ARPC2: variants seen among roughly 807,000 people sequenced by gnomAD.
The protein encoded by ARPC2 is actin related protein 2/3 complex subunit 2, also known as actin-related protein 2/3 complex subunit 2.
A neutral mutation model predicts 38.6 loss-of-function variants in ARPC2; 4 were observed. The ratio of observed to expected loss-of-function variants is 0.10; its 90% CI spans 0.05 to 0.24. ARPC2 has a LOEUF of 0.24. Ranked by LOEUF, ARPC2 falls within the 10% of genes least tolerant of loss-of-function variation. The pLI is 1.00. For synonymous variants in ARPC2, 125 were observed against 140.8 expected (o/e 0.89, Z 0.79); for missense variants, 229 against 387.3 (o/e 0.59, Z 3.43).
intron 2 of ARPC2, among the ~76,000 whole-genome samples, chr2:218,218,969 G>C (rs1012048117): frequency 3.9e-5 from 6 of 152,170 alleles, no homozygotes; most frequent in Non-Finnish European, 5.9e-5. Context: ...AAATGAATCA[G>C]CCCAGAGTCT....
chr2:218,224,331 TA>T (rs941160080), intron 2 of ARPC2, among the ~76,000 whole-genome samples: 1 of 151,550 alleles, frequency 6.6e-6, no homozygotes, highest in Non-Finnish European at 1.5e-5. Flanking sequence ...ACCTAAAGGT[TA>T]AAAAAAAACT....
intron 2 of ARPC2, among the ~76,000 whole-genome samples, chr2:218,217,870 G>C (rs528852276): frequency 6.6e-6 from 1 of 152,238 alleles, no homozygotes; most frequent in Non-Finnish European, 1.5e-5. Flanking sequence ...GGGGCGAGAA[G>C]GGGACCCCTT....
intron 8 of ARPC2, 139 bp from the exon 9 acceptor site, chr2:218,249,225 C>G (rs936701319): frequency 9.8e-6 from 6 of 614,160 alleles, no homozygotes; most frequent in Non-Finnish European, 1.7e-5. Context: ...AGAAAAAACC[C>G]TGACAAAGCC....
At chr2:218,222,549 C>G (rs1176986195) in intron 2 of ARPC2, among the ~76,000 whole-genome samples, 1 of 152,176 alleles carries the variant, frequency 6.6e-6, no homozygotes, top group Non-Finnish European at 1.5e-5. Flanking sequence ...CCGGCTTGTT[C>G]TAGGATTCCA....
chr2:218,220,468 C>G (rs1574573546), intron 2 of ARPC2, among the ~76,000 whole-genome samples: 1 of 152,312 alleles, frequency 6.6e-6, no homozygotes. Flanking sequence ...GTATTTAGCA[C>G]AGACATGGAA....
At chr2:218,217,427 C>G (rs776136921) in intron 1 of ARPC2, 36 bp from the exon 2 acceptor site, 1 of 1,605,940 alleles carries the variant, frequency 6.2e-7, no homozygotes, top group Admixed American at 1.7e-5. Flanking sequence ...CTTACCCACC[C>G]TCACCGGCCC....
At chr2:218,248,843 T>C (rs1690111597) in intron 8 of ARPC2, among the ~76,000 whole-genome samples, 1 of 152,204 alleles carries the variant, frequency 6.6e-6, no homozygotes, top group Admixed American at 6.5e-5. Flanking sequence ...GCCTGGCCTA[T>C]CATGAGGGTT....
At chr2:218,225,821 G>T in intron 2 of ARPC2, 99 bp from the exon 3 acceptor site, 4 of 1,095,996 alleles carry the variant, frequency 3.6e-6, no homozygotes, top group Non-Finnish European at 5.6e-6. Context: ...TATACAGAAT[G>T]GTCTGATCTT....
intron 2 of ARPC2, among the ~76,000 whole-genome samples, 173 bp downstream of exon 2, chr2:218,217,717 G>A (rs1689287258): frequency 6.6e-6 from 1 of 152,230 alleles, no homozygotes; most frequent in African/African-American, 2.4e-5. Context: ...CCGGGCGAGG[G>A]GCAGAGATGC....
In ARPC2 at chr2:218,217,200, G is replaced by A; in HGVS notation, c.-63G>A. 6.7e-6 allele frequency: 3 copies of A among 445,256 alleles called. No homozygotes were observed. Among genetic ancestry groups the A allele is most frequent in the South Asian group, 2.9e-5 (1 of 34,870 alleles). 27.6% of individuals were successfully genotyped at this position (445,256 alleles called of 1,614,324 possible). ...CGGGGACCGGGCTTGTCGGTGAAGC[G>A]GCAGTGGCGGCGGCGGCGGCGGCTC... On this transcript the variant is annotated 5_prime_UTR_variant, in exon 1 of 11. Transcript: ENST00000315717.
chr2:218,249,629 C>G (rs1195254944), intron 9 of ARPC2, 165 bp downstream of exon 9: 6 of 735,662 alleles, frequency 8.2e-6, no homozygotes, highest in Non-Finnish European at 1.3e-5. Context: ...AAGCCACTGT[C>G]CCCCATCCCT....
chr2:218,234,313 G>T (rs1689716182), intron 4 of ARPC2, 39 bp from the exon 5 acceptor site: 2 of 1,476,124 alleles, frequency 1.4e-6, no homozygotes, highest in African/African-American at 2.8e-5. Flanking sequence ...ATGGCCTTTG[G>T]ATTAACGTAT....
chr2:218,249,778 T>TA (rs771825735), intron 9 of ARPC2, 43 bp from the exon 10 acceptor site: 1 of 1,558,442 alleles, frequency 6.4e-7, no homozygotes, highest in East Asian at 2.3e-5. Context: ...GCTGTCTTTC[T>TA]AGACCATGAC....
intron 3 of ARPC2, 26 bp from the exon 4 acceptor site, chr2:218,228,712 C>T (rs55961828): frequency 7.0e-5 from 99 of 1,413,806 alleles, no homozygotes; most frequent in South Asian, 2.7e-4. Flanking sequence ...CAAATTGTTA[C>T]GCAATCTTAT....
chr2:218,218,450 G>C (rs1394914598), intron 2 of ARPC2, among the ~76,000 whole-genome samples: 4 of 152,230 alleles, frequency 2.6e-5, no homozygotes, highest in African/African-American at 9.6e-5. Context: ...ATCAGTAGAA[G>C]ACAATCTGCT....
intron 2 of ARPC2, among the ~76,000 whole-genome samples, chr2:218,221,100 A>G (rs947007301): frequency 6.6e-6 from 1 of 152,202 alleles, no homozygotes; most frequent in Non-Finnish European, 1.5e-5. Context: ...CTGAGAAGCT[A>G]GGCCTGTCAA....
At chr2:218,234,070 C>T (rs893375499) in intron 4 of ARPC2, 4 of 235,830 alleles carry the variant, frequency 1.7e-5, no homozygotes, top group Non-Finnish European at 3.3e-5. Flanking sequence ...TTGGGAGGCT[C>T]AGGCAGGAGA....
chr2:218,228,659 G>GC, intron 3 of ARPC2, 79 bp from the exon 4 acceptor site: 1 of 812,204 alleles, frequency 1.2e-6, no homozygotes, highest in Non-Finnish European at 2.0e-6. Flanking sequence ...CTTCCTTGTG[G>GC]CCTACGGCAA....
At chr2:218,238,590 CTTTTTT>C (rs34654904) in intron 5 of ARPC2, 68 bp from the exon 6 acceptor site, 2,449 of 425,120 alleles carry the variant, frequency 5.8e-3, no homozygotes, top group South Asian at 8.6e-3. Flanking sequence ...TAGTATGCTG[CTTTTTT>C]TTTTTTTTTT....
Sources: gnomAD v4.1 joint callset for allele counts (sites outside exome capture counted in the v4.1 genomes callset) on GRCh38, gnomAD v4.1.1 for gene constraint, MANE v1.5 for transcripts, NCBI Gene and HGNC (gene_info 2026-07-23, HGNC 2026-07-21) for gene names.